CHST15: variants seen among roughly 807,000 people sequenced by gnomAD.
CHST15 encodes carbohydrate sulfotransferase 15.
Under a neutral mutation model 53.6 loss-of-function variants are expected in CHST15, and 30 were observed. The ratio of observed to expected loss-of-function variants is 0.56; its 90% CI spans 0.42 to 0.76. The LOEUF (loss-of-function observed/expected upper bound fraction) is 0.76, where lower values mean the gene tolerates loss of function less well. Among genes scored for constraint, CHST15 ranks in the 30% least tolerant of loss-of-function variants. The probability of loss-of-function intolerance (pLI) is 0.00; values close to 1 mark genes in which losing one functional copy is unlikely to be tolerated. For synonymous variants in CHST15, 296 were observed against 289.8 expected, an observed-to-expected ratio of 1.02 and a Z score of -0.22; for missense variants, 627 against 740.5, an observed-to-expected ratio of 0.85 and a Z score of 1.78.
At chr10:124,011,138 G>A (rs1946406919) in intron 7 of CHST15, 1 of 933,582 alleles carries the variant, frequency 1.1e-6, no homozygotes, top group East Asian at 1.2e-4. Flanking sequence ...AACAGCAAGG[G>A]CTGCGACCCC....
At chr10:124,063,159 G>A (rs1948643827) in intron 1 of CHST15, among the ~76,000 whole-genome samples, 1 of 152,064 alleles carries the variant, frequency 6.6e-6, no homozygotes, top group Non-Finnish European at 1.5e-5. Context: ...GAGGCGGGTG[G>A]ATCACCTGAG....
intron 5 of CHST15, among the ~76,000 whole-genome samples, chr10:124,027,779 C>T (rs1947068965): frequency 6.6e-6 from 1 of 152,166 alleles, no homozygotes; most frequent in African/African-American, 2.4e-5. Flanking sequence ...GGAGTTTGCC[C>T]ATGGTCACGC....
At chr10:124,027,065 C>T (rs529474749) in intron 5 of CHST15, among the ~76,000 whole-genome samples, 6 of 152,274 alleles carry the variant, frequency 3.9e-5, no homozygotes, top group South Asian at 4.1e-4. Flanking sequence ...CAAACCATCC[C>T]GAACAGATGG....
At chr10:124,061,516 A>C (rs1431969422) in intron 1 of CHST15, among the ~76,000 whole-genome samples, 3 of 152,200 alleles carry the variant, frequency 2.0e-5, no homozygotes, top group Non-Finnish European at 4.4e-5. Context: ...CGTCTTTATC[A>C]GCAGCGTGAA....
intron 1 of CHST15, among the ~76,000 whole-genome samples, chr10:124,050,863 C>G (rs1948165561): frequency 6.6e-6 from 1 of 152,100 alleles, no homozygotes; most frequent in Non-Finnish European, 1.5e-5. Flanking sequence ...GGAGAGGAGG[C>G]AGGGACCAGG....
rs574931704 is a variant in CHST15 at position 124,034,752 on chromosome 10, CT to C, written c.1190+3762del. ...CTAACAGGGACCCCGGCTCCACCCCCTAACAGGGACGCCGGCTCCACCCCCT... is the reference window on the plus strand; with the variant it reads ...CTAACAGGGACCCCGGCTCCACCCCCAACAGGGACGCCGGCTCCACCCCCT... On this transcript the variant is annotated intron_variant, in intron 5 of 7. Transcript: ENST00000435907. 6.1e-3 allele frequency among the ~76,000 whole-genome samples: 831 copies of C among 137,048 alleles called. 43 individuals carry two copies. Among genetic ancestry groups the C allele is most frequent in the African/African-American group, 0.022 (783 of 35,462 alleles). The allele number at this position is 137,048 out of a possible 152,430, so 89.9% of individuals were successfully genotyped here. A position where few individuals can be genotyped will look rare whatever the true frequency, so the allele number is the denominator to read the frequency against.
At chr10:124,055,158 C>T (rs1948334863) in intron 1 of CHST15, among the ~76,000 whole-genome samples, 2 of 152,226 alleles carry the variant, frequency 1.3e-5, no homozygotes, top group Non-Finnish European at 2.9e-5. Context: ...TCTGTTCTGT[C>T]TCTTCTGAAA....
At chr10:124,071,982 G>A (rs750801963) in intron 1 of CHST15, among the ~76,000 whole-genome samples, 9 of 152,184 alleles carry the variant, frequency 5.9e-5, no homozygotes, top group South Asian at 4.1e-4. Context: ...CTCCTGGAGC[G>A]TGAGATCTGT....
chr10:124,028,366 C>A (rs1037591741), intron 5 of CHST15, among the ~76,000 whole-genome samples: 1 of 152,196 alleles, frequency 6.6e-6, no homozygotes, highest in African/African-American at 2.4e-5. Context: ...GAGAACTCTG[C>A]AGGACCTGGC....
chr10:124,020,623 C>T lies in CHST15; in HGVS notation c.1347+633G>A, dbSNP rs146802422. 1.3e-3 allele frequency: 1,291 copies of T among 987,852 alleles called. 10 individuals are homozygous for T. The African/African-American group carries it at 0.02, about 16-fold the overall frequency. The allele number at this position is 987,852 out of a possible 1,614,324, so 61.2% of individuals were successfully genotyped here. A position where few individuals can be genotyped will look rare whatever the true frequency, so the allele number is the denominator to read the frequency against. On this transcript the variant is annotated intron_variant, in intron 6 of 7. Transcript: ENST00000435907. Reference sequence around the variant, plus strand: ...GCTTGTAAAGCCACTCTGGAACACGCAGCGGCAATGCTCGCTGCATAAGCC... The same window carrying T: ...GCTTGTAAAGCCACTCTGGAACACGTAGCGGCAATGCTCGCTGCATAAGCC...
intron 7 of CHST15, chr10:124,010,634 C>G: frequency 1.0e-6 from 1 of 985,468 alleles, no homozygotes. Flanking sequence ...CAAGGATTCC[C>G]TTCCAATTGC....
chr10:124,076,824 C>T (rs1179935577), intron 1 of CHST15, among the ~76,000 whole-genome samples: 6 of 151,984 alleles, frequency 3.9e-5, no homozygotes, highest in Admixed American at 3.3e-4. Flanking sequence ...ATTCTCCTGC[C>T]TCAGCCTCCC....
rs529034438 is a variant in CHST15 at position 124,054,382 on chromosome 10, A to G, written c.-512-7658T>C. ...ACTCTCTGTTAAGTTCGTCATCAAC[A>G]TTGGTTTTGGTTAATCACAACTACC... On this transcript the variant is annotated intron_variant, in intron 1 of 7. Coordinates refer to ENST00000435907, the MANE Select transcript of CHST15 (RefSeq NM_001270764.2). Among the ~76,000 whole-genome samples the G allele has an allele frequency of 7.2e-4, 109 of 152,368 alleles. 2 individuals carry two copies. The South Asian group carries it at 0.022, about 30-fold the overall frequency.
rs757875084 is a variant in CHST15 at position 124,045,700 on chromosome 10, T to G, written c.513A>C (p.Pro171=). Residue 171 remains proline (P), a synonymous_variant, in exon 2 of 8, where the codon CCA becomes CCC. Coordinates refer to ENST00000435907, the MANE Select transcript of CHST15 (RefSeq NM_001270764.2). ...TRIEFTTRQL[P]DLEDLKKQEL... is the part of the protein sequence containing the mutation. ...CCTGCTTCTTAAGGTCTTCTAAGTCTGGGAGCTGTCTGGTCGTGAACTCAA... is the reference window on the plus strand; with the variant it reads ...CCTGCTTCTTAAGGTCTTCTAAGTCGGGGAGCTGTCTGGTCGTGAACTCAA... 1.9e-6 allele frequency: 3 copies of G among 1,610,832 alleles called. No homozygotes were observed. The highest frequency in any genetic ancestry group is 2.5e-6 in the Non-Finnish European group (3 of 1,177,952).
chr10:124,048,929 A>G (rs1459351193), intron 1 of CHST15, among the ~76,000 whole-genome samples: 1 of 152,188 alleles, frequency 6.6e-6, no homozygotes, highest in African/African-American at 2.4e-5. Flanking sequence ...CTCAACAGAG[A>G]GGAGGGAAGA....
intron 3 of CHST15, among the ~76,000 whole-genome samples, 187 bp from the exon 4 acceptor site, chr10:124,042,634 C>T (rs79125819): frequency 0.025 from 3,816 of 152,264 alleles, 49 homozygotes; most frequent in Non-Finnish European, 0.037. Flanking sequence ...TGCGGCCTGG[C>T]TACCCACTTC....
intron 3 of CHST15, among the ~76,000 whole-genome samples, chr10:124,043,945 ACAGCACAGAGCAGGGAG>A (rs1309719090): frequency 0.023 from 3,210 of 142,522 alleles, 113 homozygotes; most frequent in African/African-American, 0.08. Flanking sequence ...GAGCAGGGGA[ACAGCACAGAGCAGGGAG>A]CAGCACAGAG....
chr10:124,036,662 G>GCACACACA lies in CHST15; in HGVS notation c.1190+1845_1190+1852dup, dbSNP rs36082614. On this transcript the variant is annotated intron_variant, in intron 5 of 7. Transcript: ENST00000435907. This position sits in a 1 kb window ranked among gnomAD's most constrained non-coding sequence, Gnocchi z 5.1. The stretch of plus-strand genomic sequence containing the variant: ...TAAGACTGTCCTGTCACACCCATGT[G>GCACACACA]CACACACACACACACACACACTTAT... Among the ~76,000 whole-genome samples the GCACACACA allele has an allele frequency of 6.7e-6, 1 of 149,600 alleles. No individual in the cohort carries two copies. The highest frequency in any genetic ancestry group is 2.5e-5 in the African/African-American group (1 of 40,270).
In CHST15 at chr10:124,008,424, T is replaced by TG. The variant is rs1342513442; in HGVS notation, c.*1724dup. ...GTGATCTCTCCCTAAAGCATCCTTG[T>TG]GCTCAGGCCAGATTTCCCTGCTGGC... On this transcript the variant is annotated 3_prime_UTR_variant, in exon 8 of 8. Coordinates refer to ENST00000435907, the MANE Select transcript of CHST15 (RefSeq NM_001270764.2). 1.6e-5 allele frequency: 16 copies of TG among 994,180 alleles called. No individual in the cohort carries two copies. Among genetic ancestry groups the TG allele is most frequent in the Non-Finnish European group, 1.9e-5 (16 of 835,272 alleles). The allele number at this position is 994,180 out of a possible 1,614,324, so 61.6% of individuals were successfully genotyped here.
Sources: allele counts gnomAD v4.1 joint callset (sites outside exome capture counted in the v4.1 genomes callset), GRCh38; gene constraint gnomAD v4.1.1; non-coding constraint Gnocchi (gnomAD v3.1); transcripts MANE v1.5; gene names NCBI Gene and HGNC (gene_info 2026-07-23, HGNC 2026-07-21).